Variants in LRIG2 observed in about 807,000 individuals in gnomAD.
The protein encoded by LRIG2 is leucine-rich repeats and immunoglobulin-like domains protein 2.
In LRIG2, 93 loss-of-function variants were observed where a neutral mutation model predicts 107.8. The ratio of observed to expected loss-of-function variants is 0.86; its 90% CI spans 0.73 to 1.03. The LOEUF is 1.03. Among genes scored for constraint, LRIG2 ranks in the 50% least tolerant of loss-of-function variants. The probability of loss-of-function intolerance (pLI) is 0.00; values close to 1 mark genes in which losing one functional copy is unlikely to be tolerated. For missense variants in LRIG2, 1,226 were observed against 1,296.0 expected (o/e 0.95, Z 0.83); for synonymous variants, 471 against 470.6 (o/e 1.00, Z -0.01).
chr1:113,079,346 T>TTA lies in LRIG2; in HGVS notation c.239+5701_239+5702insTA, dbSNP rs1553225676. On this transcript the variant is annotated intron_variant, in intron 1 of 17. Coordinates refer to ENST00000361127, the MANE Select transcript of LRIG2 (RefSeq NM_014813.3). ...CTGGGAGACAGAGCAAGATCCTATT[T>TTA]AAAAAAAAAAAAAAAAAGAAGAGAA... Among the ~76,000 whole-genome samples the TTA allele has an allele frequency of 7.3e-5, 9 of 123,166 alleles. No homozygotes were observed. In the East Asian group the frequency reaches 1.4e-3, roughly 20 times the overall value. 80.8% of individuals were successfully genotyped at this position (123,166 alleles called of 152,430 possible).
rs113437985 is a variant in LRIG2 at position 113,131,778 on chromosome 1, G to A, written c.*7677G>A. The A allele has an allele frequency of 6.6e-6, 1 of 150,740 alleles. No homozygotes were observed. Among genetic ancestry groups the A allele is most frequent in the South Asian group, 2.1e-4 (1 of 4,744 alleles). The allele number at this position is 150,740 out of a possible 1,614,324, so 9.3% of individuals were successfully genotyped here. On this transcript the variant is annotated 3_prime_UTR_variant, in exon 18 of 18. Coordinates refer to ENST00000361127, the MANE Select transcript of LRIG2 (RefSeq NM_014813.3). ...CTGAAAACCCAAGAATCATCTGAAG[G>A]TTTTGTCAGTAGTAAGGTAGGTTTT...
chr1:113,101,550 T>C (rs1654310578), intron 11 of LRIG2, among the ~76,000 whole-genome samples: 1 of 152,260 alleles, frequency 6.6e-6, no homozygotes, highest in African/African-American at 2.4e-5. Context: ...AGAACAATTT[T>C]ACATTACTGT....
At chr1:113,123,731 G>GTGTGTGTGTGTGTGTGTGT in intron 17 of LRIG2, 144 bp from the exon 18 acceptor site, 1 of 469,818 alleles carries the variant, frequency 2.1e-6, no homozygotes, top group Non-Finnish European at 3.8e-6. Context: ...TGGTTTTTGT[G>GTGTGTGTGTGTGTGTGTGT]TGTGTGTGTG....
intron 8 of LRIG2, among the ~76,000 whole-genome samples, chr1:113,097,994 A>C (rs947544302): frequency 5.3e-5 from 8 of 152,234 alleles, no homozygotes; most frequent in Non-Finnish European, 1.2e-4. Flanking sequence ...TAAAGTAGAA[A>C]GCTTTGTGCT....
At chr1:113,090,416 A>G (rs769520307) in intron 1 of LRIG2, among the ~76,000 whole-genome samples, 2 of 152,222 alleles carry the variant, frequency 1.3e-5, no homozygotes, top group African/African-American at 4.8e-5. Flanking sequence ...ACACACACAT[A>G]TATAAATACA....
At chr1:113,113,575 T>C (rs1335542274) in intron 14 of LRIG2, among the ~76,000 whole-genome samples, 1 of 133,894 alleles carries the variant, frequency 7.5e-6, no homozygotes, top group Non-Finnish European at 1.6e-5. Context: ...TTTATTTATT[T>C]ATTTTGAGAC....
intron 13 of LRIG2, among the ~76,000 whole-genome samples, chr1:113,111,943 C>T (rs543647811): frequency 6.6e-6 from 1 of 152,172 alleles, no homozygotes; most frequent in East Asian, 1.9e-4. Flanking sequence ...AGGGAAGCAT[C>T]ATTTAGCTTC....
At position 113,114,491 on chromosome 1, in the gene LRIG2, A is replaced by G; in HGVS notation, c.2145A>G (p.Leu715=). ...KTVTRGETAV[L]QCIAGGSPAP... is the part of the protein sequence containing the mutation. ...TAACACGAGGTGAAACTGCGGTGTT[A>G]CAGTGCATAGCTGGAGGGAGTCCTG... The change falls in exon 15 of 18, where the codon TTA becomes TTG. Residue 715 remains leucine (L), a synonymous_variant. Coordinates refer to ENST00000361127, the MANE Select transcript of LRIG2 (RefSeq NM_014813.3). 1 of 1,613,778 alleles carries G rather than the reference A, an allele frequency of 6.2e-7. No individual in the cohort carries two copies. Among genetic ancestry groups the G allele is most frequent in the Non-Finnish European group, 8.5e-7 (1 of 1,179,998 alleles).
Position 113,114,517 on chromosome 1 carries a change from C to T in LRIG2, c.2171C>T (p.Ala724Val). 3.1e-6 allele frequency: 5 copies of T among 1,613,914 alleles called. No individual in the cohort carries two copies. The highest frequency in any genetic ancestry group is 3.4e-6 in the Non-Finnish European group (4 of 1,179,978). The change falls in exon 15 of 18, where the codon GCC becomes GTC. Residue 724 changes from alanine (A) to valine (V), a missense_variant. This residue lies in a region of LRIG2 where 642 missense variants were observed against 712.2 expected (regional missense o/e 0.90). Coordinates refer to ENST00000361127, the MANE Select transcript of LRIG2 (RefSeq NM_014813.3). ...VLQCIAGGSP[A>V]PRLNWTKDDG... ...CAGTGCATAGCTGGAGGGAGTCCTG[C>T]CCCTCGTCTCAACTGGACTAAAGAT...
intron 1 of LRIG2, among the ~76,000 whole-genome samples, chr1:113,086,256 C>T (rs1037123132): frequency 3.3e-5 from 5 of 151,850 alleles, no homozygotes; most frequent in South Asian, 4.2e-4. Flanking sequence ...CCACACGCCT[C>T]GGTCTCCCAA....
chr1:113,094,828 G>C, intron 6 of LRIG2, 73 bp downstream of exon 6: 2 of 1,457,914 alleles, frequency 1.4e-6, no homozygotes, highest in Non-Finnish European at 9.4e-7. Context: ...GAATGGCTAG[G>C]GTAGTTGTTC....
chr1:113,114,490 T>TA lies in LRIG2; in HGVS notation c.2145dup (p.Gln716ThrfsTer16). 6.2e-7 allele frequency: 1 copy of TA among 1,614,010 alleles called. No individual in the cohort carries two copies. Among genetic ancestry groups the TA allele is most frequent in the Non-Finnish European group, 8.5e-7 (1 of 1,180,018 alleles). ...GTAACACGAGGTGAAACTGCGGTGT[T>TA]ACAGTGCATAGCTGGAGGGAGTCCT... On this transcript the variant is annotated frameshift_variant, in exon 15 of 18. Transcript: ENST00000361127. LOFTEE classifies it high-confidence loss of function.
intron 1 of LRIG2, among the ~76,000 whole-genome samples, chr1:113,079,462 A>G (rs144531978): frequency 1.3e-5 from 2 of 151,548 alleles, no homozygotes; most frequent in African/African-American, 4.8e-5. Flanking sequence ...AGGCGGGTAC[A>G]TCACGAGGTC....
At chr1:113,113,496 G>T (rs144843683) in intron 14 of LRIG2, among the ~76,000 whole-genome samples, 1 of 149,452 alleles carries the variant, frequency 6.7e-6, no homozygotes, top group East Asian at 1.9e-4. Context: ...GGTTTGTATT[G>T]TTTACTTGTA....
chr1:113,099,484 C>T (rs1026520565), intron 9 of LRIG2, among the ~76,000 whole-genome samples: 1 of 151,968 alleles, frequency 6.6e-6, no homozygotes, highest in African/African-American at 2.4e-5. Flanking sequence ...AAGTGATCCT[C>T]CCACCTTGGC....
chr1:113,080,019 AT>A (rs35584269), intron 1 of LRIG2, among the ~76,000 whole-genome samples: 79 of 112,596 alleles, frequency 7.0e-4, no homozygotes, highest in African/African-American at 2.1e-3. Context: ...CCTGGCCCGA[AT>A]TTTTTTTTTT....
At chr1:113,081,017 A>G (rs1369895351) in intron 1 of LRIG2, among the ~76,000 whole-genome samples, 2 of 150,926 alleles carry the variant, frequency 1.3e-5, no homozygotes, top group Non-Finnish European at 3.0e-5. Flanking sequence ...TAATTTTTGT[A>G]TTTTTACTAG....
chr1:113,077,245 A>G (rs1297072666), intron 1 of LRIG2, among the ~76,000 whole-genome samples: 1 of 151,984 alleles, frequency 6.6e-6, no homozygotes, highest in Non-Finnish European at 1.5e-5. Context: ...CCCGGGTTCA[A>G]GTGATTCTCC....
At chr1:113,122,496 C>G (rs56062236) in intron 17 of LRIG2, among the ~76,000 whole-genome samples, 2 of 152,174 alleles carry the variant, frequency 1.3e-5, no homozygotes, top group Non-Finnish European at 2.9e-5. Context: ...GAAAGAAATG[C>G]ATCAACAGTA....
Sources: allele counts gnomAD v4.1 joint callset (sites outside exome capture counted in the v4.1 genomes callset), GRCh38; gene constraint gnomAD v4.1.1; regional missense constraint gnomAD v4.1.1; transcripts MANE v1.5; gene names NCBI Gene and HGNC (gene_info 2026-07-23, HGNC 2026-07-21).